Variants in CAPN3 observed in about 807,000 individuals in gnomAD.
CAPN3 encodes calpain-3.
A neutral mutation model predicts 114.0 loss-of-function variants in CAPN3; 88 were observed. The ratio of observed to expected loss-of-function variants is 0.77; its 90% confidence interval spans 0.65 to 0.92. The LOEUF is 0.92. CAPN3 is among the 40% of genes least tolerant of loss of function. The pLI, the probability that CAPN3 is intolerant of heterozygous loss-of-function variation, is 0.00. For synonymous variants in CAPN3, 386 were observed against 382.9 expected (o/e 1.01, Z -0.09); for missense variants, 1,028 against 1,069.0 (o/e 0.96, Z 0.53).
Position 42,388,963 on chromosome 15 carries a change from A to C in CAPN3, c.668A>C (p.Asn223Thr), listed in dbSNP as rs1160341980. 1.2e-6 allele frequency: 2 copies of C among 1,614,068 alleles called. No individual in the cohort carries two copies. The highest frequency in any genetic ancestry group is 1.3e-5 in the African/African-American group (1 of 75,028). The change falls in exon 5 of 24, where the codon AAC becomes ACC. Residue 223 changes from asparagine to threonine, a missense_variant. Physicochemically the swap from Asn to Thr is moderately conservative, Grantham distance 65. Coordinates refer to ENST00000397163, the MANE Select transcript of CAPN3 (RefSeq NM_000070.3). The part of the protein sequence containing the change: ...HGSYEALKGG[N>T]TTEAMEDFTG... ...TCCTACGAAGCTCTGAAAGGTGGGA[A>C]CACCACAGAGGCCATGGAGGACTTC...
intron 4 of CAPN3, among the ~76,000 whole-genome samples, chr15:42,388,524 C>T (rs2053464107): frequency 6.6e-6 from 1 of 152,064 alleles, no homozygotes; most frequent in Non-Finnish European, 1.5e-5. Flanking sequence ...CCAGACTGGT[C>T]TCGAACTCTT....
At chr15:42,369,932 G>A (rs2052898710) in intron 1 of CAPN3, among the ~76,000 whole-genome samples, 1 of 149,206 alleles carries the variant, frequency 6.7e-6, no homozygotes, top group African/African-American at 2.5e-5. Flanking sequence ...GAGTGCAATA[G>A]CGCGATCTTG....
chr15:42,394,401 G>A, intron 8 of CAPN3, 60 bp downstream of exon 8: 2 of 1,339,934 alleles, frequency 1.5e-6, no homozygotes, highest in Non-Finnish European at 2.1e-6. Flanking sequence ...GGACAAGGCT[G>A]TGTTGGGAAC....
intron 15 of CAPN3, among the ~76,000 whole-genome samples, chr15:42,407,838 G>T (rs1244660053): frequency 6.6e-6 from 1 of 152,088 alleles, no homozygotes; most frequent in Non-Finnish European, 1.5e-5. Flanking sequence ...AGAGAAGCTT[G>T]TGTTTTTATA....
intron 15 of CAPN3, among the ~76,000 whole-genome samples, chr15:42,406,320 G>A (rs997361690): frequency 6.6e-6 from 1 of 152,112 alleles, no homozygotes; most frequent in Non-Finnish European, 1.5e-5. Flanking sequence ...TGGGTCCAGA[G>A]TCCGTGTCCT....
At chr15:42,381,672 T>G (rs1486018971) in intron 1 of CAPN3, among the ~76,000 whole-genome samples, 2 of 152,158 alleles carry the variant, frequency 1.3e-5, no homozygotes, top group Non-Finnish European at 1.5e-5. Flanking sequence ...CCCGAGTAGC[T>G]GGGACTACAG....
At chr15:42,361,484 TAAC>T (rs1472812228) in intron 1 of CAPN3, among the ~76,000 whole-genome samples, 1 of 151,820 alleles carries the variant, frequency 6.6e-6, no homozygotes, top group African/African-American at 2.4e-5. Context: ...ACAACAACAA[TAAC>T]AACAACAAAC....
At chr15:42,400,980 G>A (rs1167017798) in intron 10 of CAPN3, among the ~76,000 whole-genome samples, 1 of 152,112 alleles carries the variant, frequency 6.6e-6, no homozygotes, top group East Asian at 1.9e-4. Context: ...GATCACTTGT[G>A]GTCAGGAGTT....
Position 42,397,327 on chromosome 15 carries a change from A to G in CAPN3, c.1193+450A>G, listed in dbSNP as rs1408978086. The stretch of plus-strand genomic sequence containing the variant: ...GTTCCCCGAGGACTGGGATTAATTT[A>G]TGATGCTCATCACCCTTAAAATTGT... On this transcript the variant is annotated intron_variant, in intron 9 of 23. Transcript: ENST00000397163. Among the ~76,000 whole-genome samples the G allele has an allele frequency of 2.0e-5, 3 of 152,148 alleles. No individual in the cohort carries two copies. The South Asian group carries it at 6.2e-4, about 31-fold the overall frequency.
At chr15:42,365,334 T>A (rs1225414630) in intron 1 of CAPN3, among the ~76,000 whole-genome samples, 1 of 152,166 alleles carries the variant, frequency 6.6e-6, no homozygotes, top group East Asian at 1.9e-4. Flanking sequence ...ATCATTGATA[T>A]ACAGCCACCT....
intron 10 of CAPN3, among the ~76,000 whole-genome samples, chr15:42,401,000 C>G (rs1194173991): frequency 6.6e-6 from 1 of 152,074 alleles, no homozygotes. Context: ...TCGAGACCAG[C>G]TTGGCTAACA....
Position 42,406,016 on chromosome 15 carries a change from T to C in CAPN3, c.1800+73T>C, listed in dbSNP as rs1000566330. The C allele has an allele frequency of 2.6e-5, 35 of 1,322,872 alleles. No individual in the cohort carries two copies. In the East Asian group the frequency reaches 5.5e-4, roughly 21 times the overall value. 81.9% of individuals were successfully genotyped at this position (1,322,872 alleles called of 1,614,324 possible). A position where few individuals can be genotyped will look rare whatever the true frequency, so the allele number is the denominator to read the frequency against. ...TATGTGCATGCATGTGAAGTGTGCA[T>C]GTGTGAGCTCATATGCATCCATGCA... is the stretch of plus-strand genomic sequence containing the variant. On this transcript the variant is annotated intron_variant, in intron 15 of 23. Coordinates refer to ENST00000397163, the MANE Select transcript of CAPN3 (RefSeq NM_000070.3).
chr15:42,396,799 G>A lies in CAPN3; in HGVS notation c.1116-1G>A. ...CCTTAATTCCTCCATTTTCCCACCA[G>A]ATGGAAGGACTGGAGCTTTGTGGAC... is the stretch of plus-strand genomic sequence containing the variant. On this transcript the variant is annotated splice_acceptor_variant, in intron 8 of 23. Coordinates refer to ENST00000397163, the MANE Select transcript of CAPN3 (RefSeq NM_000070.3). LOFTEE classifies it high-confidence loss of function. 6.2e-7 allele frequency: 1 copy of A among 1,613,042 alleles called. No homozygotes were observed. The highest frequency in any genetic ancestry group is 8.5e-7 in the Non-Finnish European group (1 of 1,179,020).
At position 42,401,950 on chromosome 15, in the gene CAPN3, G is replaced by T. The variant is rs2053884523; in HGVS notation, c.1524+140G>T. The T allele has an allele frequency of 3.0e-6, 4 of 1,337,636 alleles. No homozygotes were observed. In the Admixed American group the frequency reaches 7.1e-5, roughly 24 times the overall value. 82.9% of individuals were successfully genotyped at this position (1,337,636 alleles called of 1,614,324 possible). Reference sequence around the variant, plus strand: ...CCTGGTATCAGGACCACTTGTGTTTGTAACAAGCAAAAAATACCAGGGGGG... The same window carrying T: ...CCTGGTATCAGGACCACTTGTGTTTTTAACAAGCAAAAAATACCAGGGGGG... On this transcript the variant is annotated intron_variant, in intron 11 of 23. Transcript: ENST00000397163.
At position 42,404,393 on chromosome 15, in the gene CAPN3, G is replaced by A. The variant is rs554249586; in HGVS notation, c.1782+616G>A. ...AGGTACTTTTCACATGTGTCATCGC[G>A]ATACTTGCAAGGTTGCTGAGAGGTA... On this transcript the variant is annotated intron_variant, in intron 14 of 23. Transcript: ENST00000397163. 38 of 456,544 alleles carry A rather than the reference G, an allele frequency of 8.3e-5. No individual in the cohort carries two copies. In the East Asian group the frequency reaches 8.3e-4, roughly 10 times the overall value. The allele number at this position is 456,544 out of a possible 1,614,324, so 28.3% of individuals were successfully genotyped here.
chr15:42,387,518 CTG>C (rs1262753755), intron 3 of CAPN3, among the ~76,000 whole-genome samples: 2 of 152,222 alleles, frequency 1.3e-5, no homozygotes, highest in Admixed American at 6.5e-5. Flanking sequence ...GGGCTGGACT[CTG>C]TGGAAGACAT....
chr15:42,360,387 G>C (rs1158562058), intron 1 of CAPN3, among the ~76,000 whole-genome samples: 1 of 151,148 alleles, frequency 6.6e-6, no homozygotes, highest in Non-Finnish European at 1.5e-5. Context: ...AAAAAATCTT[G>C]CTTTTTATAA....
At chr15:42,380,368 CTTTTTTTTTTTTTTTTTT>C (rs776441239) in intron 1 of CAPN3, among the ~76,000 whole-genome samples, 1 of 46,108 alleles carries the variant, frequency 2.2e-5, no homozygotes, top group Non-Finnish European at 3.8e-5. Flanking sequence ...TCTTTTTTGT[CTTTTTTTTTTTTTTTTTT>C]TTTTTTTTTT....
At chr15:42,385,607 A>G in intron 2 of CAPN3, 1 of 511,126 alleles carries the variant, frequency 2.0e-6, no homozygotes, top group Non-Finnish European at 3.9e-6. Context: ...CTCTGTCAGA[A>G]AAGAGGTTCA....
Sources: allele counts gnomAD v4.1 joint callset (sites outside exome capture counted in the v4.1 genomes callset), GRCh38; gene constraint gnomAD v4.1.1; transcripts MANE v1.5; gene names NCBI Gene and HGNC (gene_info 2026-07-23, HGNC 2026-07-21).